GRK1: variants seen among roughly 807,000 people sequenced by gnomAD.
GRK1 encodes G protein-coupled receptor kinase 1.
GRK1 carries 28 observed loss-of-function variants against 41.7 expected under a neutral mutation model. The ratio of observed to expected loss-of-function variants is 0.67; its 90% CI spans 0.50 to 0.92. The LOEUF (loss-of-function observed/expected upper bound fraction) is 0.92. Among genes scored for constraint, GRK1 ranks in the 40% least tolerant of loss-of-function variants. The pLI, the probability that GRK1 is intolerant of heterozygous loss-of-function variation, is 0.00. For synonymous variants in GRK1, 327 were observed against 286.7 expected, an observed-to-expected ratio of 1.14 and a Z score of -1.42; for missense variants, 703 against 671.2, an observed-to-expected ratio of 1.05 and a Z score of -0.52.
In GRK1 at chr13:113,671,529, C is replaced by A. The variant is rs538374079; in HGVS notation, c.858C>A (p.Asn286Lys). 9 of 779,366 alleles carry A rather than the reference C, an allele frequency of 1.2e-5. No individual in the cohort carries two copies. The East Asian group carries it at 2.2e-4, about 19-fold the overall frequency. The allele number at this position is 779,366 out of a possible 1,614,324, so 48.3% of individuals were successfully genotyped here. ...RYHIYNVNEE[N>K]PGFPEPRALF... ...ACATCTACAACGTGAATGAGGAGAA[C>A]CCTGGCTTCCCGGAGCCGCGCGCCC... Residue 286 changes from asparagine (N) to lysine (K), a missense_variant, in exon 3 of 7, where the codon AAC becomes AAA. Asn to Lys is a moderately conservative substitution (Grantham distance 94, BLOSUM62 0). Transcript: ENST00000335678. The surrounding 1 kb of genome is among the most constrained non-coding windows in gnomAD (Gnocchi z 4.1).
upstream of GRK1, among the ~76,000 whole-genome samples, chr13:113,663,880 C>T (rs569435178): frequency 9.2e-5 from 14 of 152,334 alleles, no homozygotes; most frequent in South Asian, 4.1e-4. Context: ...CAGAAAACAG[C>T]TTGCCGGTTT....
intron 4 of GRK1, among the ~76,000 whole-genome samples, chr13:113,726,772 G>A (rs750846645): frequency 4.7e-4 from 72 of 152,314 alleles, no homozygotes; most frequent in Middle Eastern, 3.4e-3. Context: ...TAGAGGCTGT[G>A]ATCGTGTGAG....
At chr13:113,661,837 A>T in the GRK1 span, among the ~76,000 whole-genome samples, 1 of 152,340 alleles carries the variant, frequency 6.6e-6, no homozygotes, top group African/African-American at 2.4e-5. Flanking sequence ...TTAATAATTT[A>T]AAATCTCCCA....
chr13:113,734,879 T>C, intron 6 of GRK1, 189 bp from the exon 7 acceptor site: 1 of 510,422 alleles, frequency 2.0e-6, no homozygotes, highest in Non-Finnish European at 3.3e-6. Context: ...AGCTGTGTGG[T>C]CTCAGGGGAA....
chr13:113,665,707 C>T (rs148202247), upstream of GRK1, among the ~76,000 whole-genome samples: 255 of 142,426 alleles, frequency 1.8e-3, no homozygotes, highest in Middle Eastern at 0.022. Context: ...TCAGGTGTGC[C>T]CCAGGCATAT....
chr13:113,660,971 G>T, the GRK1 span, among the ~76,000 whole-genome samples: 24 of 152,176 alleles, frequency 1.6e-4, no homozygotes, highest in African/African-American at 5.6e-4. Flanking sequence ...TAGAAAATTA[G>T]CATGGATACG....
chr13:113,649,684 A>G, the GRK1 span: 6 of 872,738 alleles, frequency 6.9e-6, no homozygotes, highest in Admixed American at 1.8e-4. This position sits in a 1 kb window ranked among gnomAD's most constrained non-coding sequence, Gnocchi z 4.7. Context: ...ATGCCCTGGA[A>G]TTTGCTGAGA....
the GRK1 span, chr13:113,649,409 C>A: frequency 6.3e-7 from 1 of 1,593,328 alleles, no homozygotes; most frequent in South Asian, 1.1e-5. The surrounding 1 kb of genome is among the most constrained non-coding windows in gnomAD (Gnocchi z 4.7). Flanking sequence ...TCCACTTTCC[C>A]TTCATACGGG....
chr13:113,660,260 G>C, the GRK1 span, among the ~76,000 whole-genome samples: 1 of 152,148 alleles, frequency 6.6e-6, no homozygotes, highest in Non-Finnish European at 1.5e-5. Context: ...ACACAACGTA[G>C]TAGAAAGTTA....
At chr13:113,649,637 G>T in the GRK1 span, 1 of 1,342,730 alleles carries the variant, frequency 7.4e-7, no homozygotes, top group Non-Finnish European at 9.9e-7. This position sits in a 1 kb window ranked among gnomAD's most constrained non-coding sequence, Gnocchi z 4.7. Flanking sequence ...GTGCAGAGAA[G>T]CAGCTCTTTT....
intron 6 of GRK1, among the ~76,000 whole-genome samples, chr13:113,733,832 C>T (rs550074734): frequency 2.8e-5 from 3 of 105,664 alleles, no homozygotes; most frequent in South Asian, 3.5e-4. Context: ...CGTGTGTGTG[C>T]ACGTGCGTGT....
chr13:113,669,695 G>T lies in GRK1; in HGVS notation c.708G>T (p.Met236Ile). ...LKKRKGYQGA[M>I]VEKKILMKVH... ...AGCGTCTCACTTTTCAGGGTGCTAT[G>T]GTGGAGAAGAAGATTCTGATGAAAG... Residue 236 changes from methionine to isoleucine, a missense_variant, in exon 2 of 7, where the codon ATG becomes ATT. Physicochemically the swap from Met to Ile is conservative, Grantham distance 10. Transcript: ENST00000335678. The T allele has an allele frequency of 6.2e-7, 1 of 1,613,956 alleles. No individual in the cohort carries two copies. Among genetic ancestry groups the T allele is most frequent in the South Asian group, 1.1e-5 (1 of 91,078 alleles).
Position 113,671,565 on chromosome 13 carries a change from G to A in GRK1, c.894G>A (p.Thr298=), listed in dbSNP as rs762183970. ...CGGAGCCGCGCGCCCTCTTCTACAC[G>A]GCGCAGATCATCTGCGGCCTGGAGC... ...GFPEPRALFY[T]AQIICGLEHL... is the part of the protein sequence containing the mutation. Residue 298 remains threonine (T), a synonymous_variant, in exon 3 of 7, where the codon ACG becomes ACA. Transcript: ENST00000335678. This position sits in a 1 kb window ranked among gnomAD's most constrained non-coding sequence, Gnocchi z 4.1. 4.4e-5 allele frequency: 34 copies of A among 777,574 alleles called. 1 individual carries two copies. Among genetic ancestry groups the A allele is most frequent in the South Asian group, 3.1e-4 (23 of 74,628 alleles). 48.2% of individuals were successfully genotyped at this position (777,574 alleles called of 1,614,324 possible). A position where few individuals can be genotyped will look rare whatever the true frequency, so the allele number is the denominator to read the frequency against.
At chr13:113,728,124 TGAG>T (rs1432361080) in intron 4 of GRK1, among the ~76,000 whole-genome samples, 6 of 99,588 alleles carry the variant, frequency 6.0e-5, no homozygotes, top group African/African-American at 2.6e-4. Context: ...CCCATGGCGA[TGAG>T]GAGTACCCAT....
Position 113,731,310 on chromosome 13 carries a change from G to T in GRK1, c.1161G>T (p.Ala387=). The change falls in exon 5 of 7, where the codon GCG becomes GCT. Residue 387 remains alanine, a synonymous_variant. Transcript: ENST00000335678. This position sits in a 1 kb window ranked among gnomAD's most constrained non-coding sequence, Gnocchi z 5.6. ...GGGTCACCCTGTATGAGATGATTGCGGCCAGAGGACCCTTCCGAGCCCGTG... is the reference window on the plus strand; with the variant it reads ...GGGTCACCCTGTATGAGATGATTGCTGCCAGAGGACCCTTCCGAGCCCGTG... ...ALGVTLYEMI[A]ARGPFRARGE... 2 of 1,537,000 alleles carry T rather than the reference G, an allele frequency of 1.3e-6. No individual in the cohort carries two copies. The highest frequency in any genetic ancestry group is 1.4e-5 in the African/African-American group (1 of 73,100).
At chr13:113,668,632 C>T (rs1321955803) in intron 1 of GRK1, among the ~76,000 whole-genome samples, 1 of 152,246 alleles carries the variant, frequency 6.6e-6, no homozygotes, top group African/African-American at 2.4e-5. Context: ...ACGCAGGCCG[C>T]TCTAAGTTTC....
intron 4 of GRK1, among the ~76,000 whole-genome samples, chr13:113,729,947 G>C (rs1312166636): frequency 6.7e-6 from 1 of 148,224 alleles, no homozygotes; most frequent in South Asian, 2.2e-4. Flanking sequence ...CAGTCCCCGC[G>C]GCTGCGCCCA....
At chr13:113,656,682 CTTTTGT>C in the GRK1 span, among the ~76,000 whole-genome samples, 1 of 152,176 alleles carries the variant, frequency 6.6e-6, no homozygotes, top group East Asian at 1.9e-4. Flanking sequence ...TGTCCTATTC[CTTTTGT>C]TTTTGTCATT....
At chr13:113,672,449 GGTATTGTGTGTGGC>G (rs2049864165) in intron 3 of GRK1, among the ~76,000 whole-genome samples, 1 of 151,428 alleles carries the variant, frequency 6.6e-6, no homozygotes, top group Non-Finnish European at 1.5e-5. Context: ...TGGTATGTGT[GGTATTGTGTGTGGC>G]GTATGTGTGT....
Sources: allele counts gnomAD v4.1 joint callset (sites outside exome capture counted in the v4.1 genomes callset), GRCh38; gene constraint gnomAD v4.1.1; non-coding constraint Gnocchi (gnomAD v3.1); transcripts MANE v1.5; gene names NCBI Gene and HGNC (gene_info 2026-07-23, HGNC 2026-07-21).